CWC27: variants seen among roughly 807,000 people sequenced by gnomAD.
The protein encoded by CWC27 is spliceosome-associated protein CWC27 homolog.
A neutral mutation model predicts 63.6 loss-of-function variants in CWC27; 47 were observed. That is an observed-to-expected ratio of 0.74 (90% CI 0.58 to 0.94). The LOEUF is 0.94. Among genes scored for constraint, CWC27 ranks in the 40% least tolerant of loss-of-function variants. The probability of loss-of-function intolerance (pLI) is 0.00; values close to 1 mark genes in which losing one functional copy is unlikely to be tolerated. For synonymous variants in CWC27, 175 were observed against 179.8 expected (o/e 0.97, Z 0.22); for missense variants, 495 against 554.3 (o/e 0.89, Z 1.07).
chr5:64,905,417 C>G (rs909161722), intron 11 of CWC27, among the ~76,000 whole-genome samples: 2 of 151,928 alleles, frequency 1.3e-5, no homozygotes, highest in Non-Finnish European at 2.9e-5. Context: ...TCTTTTAGAA[C>G]AGTGGTCTCC....
At chr5:64,950,639 T>C (rs1748685867) in intron 11 of CWC27, among the ~76,000 whole-genome samples, 1 of 152,056 alleles carries the variant, frequency 6.6e-6, no homozygotes, top group Non-Finnish European at 1.5e-5. Flanking sequence ...TATTGAGGTA[T>C]ACTTTACATA....
At chr5:64,979,884 C>T (rs1749302632) in intron 13 of CWC27, among the ~76,000 whole-genome samples, 3 of 149,200 alleles carry the variant, frequency 2.0e-5, no homozygotes, top group African/African-American at 7.4e-5. Flanking sequence ...TTATTCTATT[C>T]GCATTTTTGG....
At chr5:64,991,046 C>A (rs143473960) in intron 13 of CWC27, among the ~76,000 whole-genome samples, 1 of 152,098 alleles carries the variant, frequency 6.6e-6, no homozygotes, top group African/African-American at 2.4e-5. Flanking sequence ...GTATAATATC[C>A]CAAGTGAGAT....
intron 13 of CWC27, among the ~76,000 whole-genome samples, chr5:64,989,653 C>T (rs1749498421): frequency 6.6e-6 from 1 of 152,144 alleles, no homozygotes; most frequent in African/African-American, 2.4e-5. Flanking sequence ...GTTGACATGA[C>T]CTATCTCCAG....
chr5:64,829,529 C>A (rs1315190511), intron 10 of CWC27, among the ~76,000 whole-genome samples: 1 of 151,666 alleles, frequency 6.6e-6, no homozygotes, highest in East Asian at 1.9e-4. Context: ...CATGGAATAC[C>A]GTTAGAACTA....
At chr5:64,856,326 A>G (rs1318189454) in intron 10 of CWC27, among the ~76,000 whole-genome samples, 2 of 151,928 alleles carry the variant, frequency 1.3e-5, no homozygotes, top group East Asian at 3.8e-4. Context: ...AGTTAGGAGA[A>G]ATATTATACT....
At chr5:64,911,272 A>G (rs1271789293) in intron 11 of CWC27, among the ~76,000 whole-genome samples, 1 of 152,188 alleles carries the variant, frequency 6.6e-6, no homozygotes, top group African/African-American at 2.4e-5. Flanking sequence ...GTGCACCCAT[A>G]GCACCTCTAA....
intron 7 of CWC27, among the ~76,000 whole-genome samples, chr5:64,799,447 G>C (rs9765478): frequency 6.6e-6 from 1 of 151,016 alleles, no homozygotes; most frequent in Non-Finnish European, 1.5e-5. Flanking sequence ...TTAGCTGGGC[G>C]TGGTGGCGCA....
At chr5:64,858,130 T>C (rs1179244819) in intron 10 of CWC27, among the ~76,000 whole-genome samples, 1 of 54,426 alleles carries the variant, frequency 1.8e-5, no homozygotes, top group Non-Finnish European at 3.1e-5. Context: ...AGAGCGAGAC[T>C]CCGTCTCAAA....
chr5:64,769,329 A>C, intron 1 of CWC27, 141 bp downstream of exon 1: 1 of 726,918 alleles, frequency 1.4e-6, no homozygotes, highest in Non-Finnish European at 2.5e-6. Flanking sequence ...CATGTGGACA[A>C]TGTTGCATCG....
intron 13 of CWC27, among the ~76,000 whole-genome samples, chr5:64,981,282 G>A (rs1580762719): frequency 6.6e-6 from 1 of 151,988 alleles, no homozygotes; most frequent in South Asian, 2.1e-4. Context: ...ATTTATATCT[G>A]TCCAGGTATT....
chr5:64,906,510 T>A lies in CWC27; in HGVS notation c.1042+20964T>A, dbSNP rs13359272. On this transcript the variant is annotated intron_variant, in intron 11 of 13. Transcript: ENST00000381070. ...TTCATATCCTTTGCCCACTTTTTGATGGAGTTGTTTGTTTTTCTCTTGCAA... is the reference window on the plus strand; with the variant it reads ...TTCATATCCTTTGCCCACTTTTTGAAGGAGTTGTTTGTTTTTCTCTTGCAA... 9.3e-3 allele frequency among the ~76,000 whole-genome samples: 1,421 copies of A among 152,330 alleles called. 28 individuals carry two copies. Among genetic ancestry groups the A allele is most frequent in the African/African-American group, 0.033 (1,371 of 41,564 alleles).
At chr5:64,917,094 G>A (rs1580725221) in intron 11 of CWC27, among the ~76,000 whole-genome samples, 2 of 152,024 alleles carry the variant, frequency 1.3e-5, no homozygotes, top group South Asian at 2.1e-4. Flanking sequence ...TACCTATAAG[G>A]CTTGTGTTCT....
At chr5:65,015,154 A>G (rs1168847670) in intron 13 of CWC27, among the ~76,000 whole-genome samples, 6 of 152,106 alleles carry the variant, frequency 3.9e-5, no homozygotes, top group Non-Finnish European at 7.4e-5. Context: ...TTCATTTTTT[A>G]TACCAGAGCC....
At chr5:64,830,909 G>T (rs1031509104) in intron 10 of CWC27, among the ~76,000 whole-genome samples, 17 of 152,048 alleles carry the variant, frequency 1.1e-4, no homozygotes, top group African/African-American at 4.1e-4. Context: ...GGACATTTGG[G>T]TTGGTTCTAA....
chr5:64,904,866 A>C (rs990808782), intron 11 of CWC27, among the ~76,000 whole-genome samples: 2 of 151,852 alleles, frequency 1.3e-5, no homozygotes, highest in Non-Finnish European at 2.9e-5. Flanking sequence ...CCTATATGCA[A>C]CCTCGAGATA....
intron 13 of CWC27, among the ~76,000 whole-genome samples, chr5:64,995,538 T>C (rs1257781794): frequency 6.6e-6 from 1 of 152,176 alleles, no homozygotes; most frequent in Non-Finnish European, 1.5e-5. Context: ...TGGAATTGAT[T>C]TGCTTTATTA....
Position 64,807,657 on chromosome 5 carries a change from G to T in CWC27, c.938+3271G>T, listed in dbSNP as rs1416146071. 2.0e-6 allele frequency: 3 copies of T among 1,535,628 alleles called. No homozygotes were observed. The Admixed American group carries it at 5.9e-5, about 30-fold the overall frequency. On this transcript the variant is annotated intron_variant, in intron 10 of 13. Transcript: ENST00000381070. ...GATACAGCTCAGCAGAATCACACAG[G>T]CATATACAAGCTGGTATTATTATGG...
At chr5:64,874,154 C>CTTTTTT (rs748768571) in intron 10 of CWC27, among the ~76,000 whole-genome samples, 1 of 48,800 alleles carries the variant, frequency 2.0e-5, no homozygotes, top group Admixed American at 3.4e-4. Flanking sequence ...ATTGTTGATG[C>CTTTTTT]TTTTTTTTTT....
Sources: allele counts gnomAD v4.1 joint callset (sites outside exome capture counted in the v4.1 genomes callset), GRCh38; gene constraint gnomAD v4.1.1; transcripts MANE v1.5; gene names NCBI Gene and HGNC (gene_info 2026-07-23, HGNC 2026-07-21).